The following PAPPA variants were observed in gnomAD, a reference collection of about 807,000 sequenced individuals.
PAPPA encodes pappalysin-1.
PAPPA carries 60 observed loss-of-function variants against 164.0 expected under a neutral mutation model. The ratio of observed to expected loss-of-function variants is 0.37; its 90% CI spans 0.30 to 0.45. The LOEUF (loss-of-function observed/expected upper bound fraction) is 0.45. Among genes scored for constraint, PAPPA ranks in the 20% least tolerant of loss-of-function variants. The pLI, the probability that PAPPA is intolerant of heterozygous loss-of-function variation, is 1.00. For synonymous variants in PAPPA, 875 were observed against 814.1 expected, an observed-to-expected ratio of 1.07 and a Z score of -1.27; for missense variants, 1,782 against 2,087.3, an observed-to-expected ratio of 0.85 and a Z score of 2.85.
chr9:116,221,397 T>C (rs1315207628), intron 5 of PAPPA, among the ~76,000 whole-genome samples: 1 of 152,228 alleles, frequency 6.6e-6, no homozygotes, highest in African/African-American at 2.4e-5. Flanking sequence ...ACCATGCTAA[T>C]AATTAGTTAA....
intron 1 of PAPPA, among the ~76,000 whole-genome samples, chr9:116,176,237 T>C (rs1279494078): frequency 6.6e-6 from 1 of 152,194 alleles, no homozygotes; most frequent in African/African-American, 2.4e-5. Flanking sequence ...CACTCAGAGA[T>C]AGATTGAGAC....
At chr9:116,272,967 GT>G (rs1845154980) in intron 9 of PAPPA, among the ~76,000 whole-genome samples, 1 of 152,272 alleles carries the variant, frequency 6.6e-6, no homozygotes, top group Non-Finnish European at 1.5e-5. Context: ...CTTCTGTTGT[GT>G]GATTTTTTGA....
At chr9:116,294,682 G>T (rs1294574931) in intron 9 of PAPPA, among the ~76,000 whole-genome samples, 1 of 152,168 alleles carries the variant, frequency 6.6e-6, no homozygotes, top group Non-Finnish European at 1.5e-5. Context: ...ACGCTTTGTT[G>T]TGTGTGGGGG....
chr9:116,288,239 C>T (rs1490317432), intron 9 of PAPPA, among the ~76,000 whole-genome samples: 1 of 151,952 alleles, frequency 6.6e-6, no homozygotes, highest in Non-Finnish European at 1.5e-5. Flanking sequence ...TGTAGTGGTC[C>T]GTGCCTGTAA....
intron 10 of PAPPA, among the ~76,000 whole-genome samples, chr9:116,320,611 A>C (rs1295060742): frequency 1.3e-5 from 2 of 152,170 alleles, no homozygotes; most frequent in African/African-American, 4.8e-5. Flanking sequence ...TAAGGCAGGC[A>C]TCAAAGGGGA....
intron 2 of PAPPA, among the ~76,000 whole-genome samples, chr9:116,204,356 ACTCTG>A (rs1359764030): frequency 6.6e-6 from 1 of 152,022 alleles, no homozygotes; most frequent in Non-Finnish European, 1.5e-5. Context: ...TATCTGTCCA[ACTCTG>A]CGTGAGTCTG....
intron 2 of PAPPA, among the ~76,000 whole-genome samples, chr9:116,200,336 C>A (rs1195543404): frequency 6.6e-6 from 1 of 152,152 alleles, no homozygotes; most frequent in Admixed American, 6.5e-5. Context: ...ATATTTAACA[C>A]CCACCCACTC....
chr9:116,396,596 C>T lies in PAPPA; in HGVS notation c.4864C>T (p.Arg1622Trp), dbSNP rs201167111. 49 of 780,816 alleles carry T rather than the reference C, an allele frequency of 6.3e-5. No individual in the cohort carries two copies. The highest frequency in any genetic ancestry group is 1.0e-4 in the Non-Finnish European group (43 of 417,972). 48.4% of individuals were successfully genotyped at this position (780,816 alleles called of 1,614,324 possible). A position where few individuals can be genotyped will look rare whatever the true frequency, so the allele number is the denominator to read the frequency against. The change falls in exon 22 of 22, where the codon CGG (arginine) becomes TGG (tryptophan). Residue 1622 changes from arginine to tryptophan, a missense_variant. By Grantham distance (101) the Arg-to-Trp change is moderately radical. Transcript: ENST00000328252. ...CCAAGAACACAGCCGGAAAGACCTC[C>T]GGGGATACAGCCATGGCTAAGGAAG... is the stretch of plus-strand genomic sequence containing the variant. ...QAQEHSRKDL[R>W]GYSHG
intron 7 of PAPPA, among the ~76,000 whole-genome samples, chr9:116,244,194 G>C (rs1454187317): frequency 1.3e-5 from 2 of 152,062 alleles, no homozygotes; most frequent in African/African-American, 4.8e-5. Context: ...ATCTCCAAGT[G>C]CCTTCTCAAT....
chr9:116,156,045 C>T lies in PAPPA; in HGVS notation c.415+1458C>T, dbSNP rs541896970. Among the ~76,000 whole-genome samples the T allele has an allele frequency of 7.3e-5, 11 of 151,208 alleles. No individual in the cohort carries two copies. The South Asian group carries it at 2.3e-3, about 32-fold the overall frequency. On this transcript the variant is annotated intron_variant, in intron 1 of 21. Coordinates refer to ENST00000328252, the MANE Select transcript of PAPPA (RefSeq NM_002581.5). ...TAATGACGATGGTGATAATTTAGAG[C>T]TGTAGTATGTTGACTTCTCTTTCCA...
chr9:116,250,080 G>A (rs1290563673), intron 7 of PAPPA, among the ~76,000 whole-genome samples: 1 of 151,696 alleles, frequency 6.6e-6, no homozygotes, highest in Non-Finnish European at 1.5e-5. Flanking sequence ...AGACCTGTGA[G>A]ACCACCTGTT....
intron 7 of PAPPA, among the ~76,000 whole-genome samples, chr9:116,264,617 TAAC>T (rs1301732858): frequency 2.0e-5 from 3 of 152,202 alleles, no homozygotes; most frequent in Admixed American, 1.3e-4. Flanking sequence ...GCAGCTGAAA[TAAC>T]AGACGGGCAG....
intron 2 of PAPPA, among the ~76,000 whole-genome samples, chr9:116,188,760 C>T (rs1009052312): frequency 6.6e-6 from 1 of 152,080 alleles, no homozygotes; most frequent in Admixed American, 6.5e-5. Context: ...GAGGTGGGGT[C>T]GCATGGGGCT....
At chr9:116,157,311 G>A (rs1312958838) in intron 1 of PAPPA, among the ~76,000 whole-genome samples, 1 of 152,154 alleles carries the variant, frequency 6.6e-6, no homozygotes, top group African/African-American at 2.4e-5. Flanking sequence ...AGAGACAGGG[G>A]GAAGGAGCGA....
intron 9 of PAPPA, among the ~76,000 whole-genome samples, chr9:116,287,799 G>A (rs979127344): frequency 2.0e-5 from 3 of 152,164 alleles, no homozygotes. Context: ...TACCACATCA[G>A]TGGCCCAGAA....
intron 2 of PAPPA, among the ~76,000 whole-genome samples, chr9:116,197,272 A>G (rs759879047): frequency 1.3e-5 from 2 of 152,212 alleles, no homozygotes; most frequent in African/African-American, 2.4e-5. Context: ...TTTAAAAGGT[A>G]CAAATAAAGC....
chr9:116,191,046 G>GAGGGAGGGAGGGAGAT (rs367995437), intron 2 of PAPPA, among the ~76,000 whole-genome samples: 3 of 145,200 alleles, frequency 2.1e-5, no homozygotes, highest in African/African-American at 2.5e-5. Flanking sequence ...GGAAGGGAAG[G>GAGGGAGGGAGGGAGAT]AGGGAGGGAG....
At chr9:116,328,378 C>T (rs1845946794) in intron 10 of PAPPA, among the ~76,000 whole-genome samples, 2 of 152,196 alleles carry the variant, frequency 1.3e-5, no homozygotes, top group Admixed American at 1.3e-4. Flanking sequence ...AAACGTCTTC[C>T]AGCCCATTTA....
intron 9 of PAPPA, among the ~76,000 whole-genome samples, chr9:116,275,019 AG>A (rs1465700563): frequency 1.3e-5 from 2 of 152,218 alleles, no homozygotes; most frequent in Non-Finnish European, 1.5e-5. Context: ...GCACAGCACC[AG>A]CTCTGGATCC....
Sources: allele counts gnomAD v4.1 joint callset (sites outside exome capture counted in the v4.1 genomes callset), GRCh38; gene constraint gnomAD v4.1.1; transcripts MANE v1.5; gene names NCBI Gene and HGNC (gene_info 2026-07-23, HGNC 2026-07-21).